Variants in GLTP observed in about 807,000 individuals in gnomAD.
The protein encoded by GLTP is glycolipid transfer protein.
Under a neutral mutation model 24.0 loss-of-function variants are expected in GLTP, and 22 were observed. That is an observed-to-expected ratio of 0.92 (90% CI 0.65 to 1.31). The LOEUF (loss-of-function observed/expected upper bound fraction) is 1.31. Ranked by LOEUF, GLTP falls within the 50% of genes most tolerant of loss-of-function variation. The pLI, the probability that GLTP is intolerant of heterozygous loss-of-function variation, is 0.00. For synonymous variants in GLTP, 92 were observed against 115.9 expected (o/e 0.79, Z 1.33); for missense variants, 224 against 276.6 (o/e 0.81, Z 1.35).
In GLTP at chr12:109,880,306, G is replaced by A. The variant is rs754525285; in HGVS notation, c.69C>T (p.Phe23=). The A allele has an allele frequency of 2.5e-6, 4 of 1,606,632 alleles. No homozygotes were observed. The South Asian group carries it at 3.3e-5, about 13-fold the overall frequency. The change falls in exon 1 of 5, where the codon TTC becomes TTT. Residue 23 remains phenylalanine (F), a synonymous_variant. Coordinates refer to ENST00000318348, the MANE Select transcript of GLTP (RefSeq NM_016433.4). The surrounding 1 kb of genome is among the most constrained non-coding windows in gnomAD (Gnocchi z 5.1). ...PADKQIETGP[F]LEAVSHLPPF... is the part of the protein sequence containing the mutation. Reference sequence around the variant, plus strand: ...GCGGCAGGTGGGACACCGCCTCGAGGAAGGGCCCGGTCTCGATCTGCTTGT... The same window carrying A: ...GCGGCAGGTGGGACACCGCCTCGAGAAAGGGCCCGGTCTCGATCTGCTTGT...
At chr12:109,869,244 G>A (rs1868636746) in intron 1 of GLTP, among the ~76,000 whole-genome samples, 2 of 140,098 alleles carry the variant, frequency 1.4e-5, no homozygotes, top group Admixed American at 7.7e-5. Flanking sequence ...AGGTTGCAGT[G>A]AGCCAAGATT....
chr12:109,880,329 T>C lies in GLTP; in HGVS notation c.46A>G (p.Lys16Glu). ...AGGAAGGGCCCGGTCTCGATCTGCT[T>C]GTCCGCGGGCAGCGGCTTCAGCAAG... ...EHLLKPLPAD[K>E]QIETGPFLEA... The change falls in exon 1 of 5, where the codon AAG (lysine) becomes GAG (glutamate). Residue 16 changes from lysine (K) to glutamate (E), a missense_variant. Transcript: ENST00000318348. The surrounding 1 kb of genome is among the most constrained non-coding windows in gnomAD (Gnocchi z 5.1). The C allele has an allele frequency of 6.3e-7, 1 of 1,587,382 alleles. No homozygotes were observed.
At chr12:109,856,433 C>T (rs1002206720) in intron 3 of GLTP, among the ~76,000 whole-genome samples, 11 of 152,198 alleles carry the variant, frequency 7.2e-5, no homozygotes, top group Admixed American at 5.2e-4. Context: ...TCTCTTGCTT[C>T]CCTGGGGCCT....
rs746043440 is a variant in GLTP, at chr12:109,857,579, A to G, written c.243T>C (p.Tyr81=). ...QNILEVEKEM[Y]GAEWPKVGAT... ...CCCCTACTTTGGGCCACTCTGCTCC[A>G]TACATTTCTTTCTCCACCTCCAGGA... Residue 81 remains tyrosine, a synonymous_variant, in exon 3 of 5, where the codon TAT becomes TAC. Transcript: ENST00000318348. This position sits in a 1 kb window ranked among gnomAD's most constrained non-coding sequence, Gnocchi z 4.3. 5 of 1,613,970 alleles carry G rather than the reference A, an allele frequency of 3.1e-6. No homozygotes were observed. Among genetic ancestry groups the G allele is most frequent in the South Asian group, 1.1e-5 (1 of 91,084 alleles).
At position 109,852,572 on chromosome 12, in the gene GLTP, G is replaced by C. The variant is rs762819636; in HGVS notation, c.613C>G (p.Leu205Val). 4 of 1,608,778 alleles carry C rather than the reference G, an allele frequency of 2.5e-6. No individual in the cohort carries two copies. The highest frequency in any genetic ancestry group is 3.4e-6 in the Non-Finnish European group (4 of 1,175,464). The change falls in exon 5 of 5, where the codon CTT (leucine) becomes GTT (valine). Residue 205 changes from leucine (L) to valine (V), a missense_variant. By Grantham distance (32) the Leu-to-Val change is conservative. Coordinates refer to ENST00000318348, the MANE Select transcript of GLTP (RefSeq NM_016433.4). ...GGGCATGCCTACACCTTGTAGTTAA[G>C]CTCAGCGTTCATCTGGGTGTACATC... ...YEMYTQMNAE[L>V]NYKV
At chr12:109,877,949 T>C (rs540899216) in intron 1 of GLTP, among the ~76,000 whole-genome samples, 1 of 152,282 alleles carries the variant, frequency 6.6e-6, no homozygotes, top group Admixed American at 6.5e-5. Flanking sequence ...GTCCTAAGAA[T>C]CAGCCTCTTT....
chr12:109,866,799 G>A (rs1868542377), intron 1 of GLTP, among the ~76,000 whole-genome samples: 1 of 142,352 alleles, frequency 7.0e-6, no homozygotes, highest in African/African-American at 2.6e-5. Context: ...TCACTGTGTT[G>A]CCCAGGCTGG....
intron 1 of GLTP, among the ~76,000 whole-genome samples, chr12:109,861,772 T>A (rs1001699050): frequency 3.3e-5 from 5 of 152,086 alleles, no homozygotes. Flanking sequence ...ACCAAACACA[T>A]GTAGCAGAGT....
rs1892787952 is a variant in GLTP, at chr12:109,855,740, T to C, written c.326A>G (p.Gln109Arg). The C allele has an allele frequency of 1.2e-6, 2 of 1,606,946 alleles. No individual in the cohort carries two copies. The highest frequency in any genetic ancestry group is 2.7e-5 in the African/African-American group (2 of 74,396). ...RGLRFIQVFL[Q>R]SICDGERDEN... ...GTCCCGCTCCCCGTCGCAGATGCTCTGGAGGAAGACCTGGATGAAGCGGAG... is the reference window on the plus strand; with the variant it reads ...GTCCCGCTCCCCGTCGCAGATGCTCCGGAGGAAGACCTGGATGAAGCGGAG... The change falls in exon 4 of 5, where the codon CAG becomes CGG. Residue 109 changes from glutamine (Q) to arginine (R), a missense_variant. Physicochemically the swap from Gln to Arg is conservative, Grantham distance 43. Coordinates refer to ENST00000318348, the MANE Select transcript of GLTP (RefSeq NM_016433.4). This position sits in a 1 kb window ranked among gnomAD's most constrained non-coding sequence, Gnocchi z 4.1.
chr12:109,857,593 C>G lies in GLTP; in HGVS notation c.229G>C (p.Glu77Gln), dbSNP rs747532837. The G allele has an allele frequency of 1.9e-6, 3 of 1,613,988 alleles. No individual in the cohort carries two copies. Among genetic ancestry groups the G allele is most frequent in the Admixed American group, 3.3e-5 (2 of 60,006 alleles). ...CACTCTGCTCCATACATTTCTTTCT[C>G]CACCTCCAGGATGTTCTGCAGGGTC... ...FRTLQNILEV[E>Q]KEMYGAEWPK... The change falls in exon 3 of 5, where the codon GAG becomes CAG. Residue 77 changes from glutamate to glutamine, a missense_variant. Transcript: ENST00000318348. This position sits in a 1 kb window ranked among gnomAD's most constrained non-coding sequence, Gnocchi z 4.3.
At chr12:109,859,392 G>A (rs1220404217) in intron 1 of GLTP, among the ~76,000 whole-genome samples, 3 of 152,250 alleles carry the variant, frequency 2.0e-5, no homozygotes, top group Admixed American at 6.5e-5. Flanking sequence ...GGTGGCTTGC[G>A]CCTGTAATCC....
intron 1 of GLTP, among the ~76,000 whole-genome samples, chr12:109,879,565 T>C (rs138663144): frequency 1.4e-3 from 214 of 152,240 alleles, no homozygotes; most frequent in African/African-American, 4.6e-3. Context: ...ATGTCTGATG[T>C]CACCTCACAA....
Position 109,880,424 on chromosome 12 carries a change from ACACCGCCCCCCCGGCCGC to A in GLTP, c.-68_-51del, listed in dbSNP as rs1329915585. 5.8e-6 allele frequency: 4 copies of A among 693,216 alleles called. No individual in the cohort carries two copies. Among genetic ancestry groups the A allele is most frequent in the Non-Finnish European group, 7.9e-6 (4 of 503,690 alleles). The allele number at this position is 693,216 out of a possible 1,614,324, so 42.9% of individuals were successfully genotyped here. A position where few individuals can be genotyped will look rare whatever the true frequency, so the allele number is the denominator to read the frequency against. On this transcript the variant is annotated 5_prime_UTR_variant, in exon 1 of 5. Transcript: ENST00000318348. This position sits in a 1 kb window ranked among gnomAD's most constrained non-coding sequence, Gnocchi z 5.1. The stretch of plus-strand genomic sequence containing the variant: ...GCCCCAGCCGGCGCCGCGGGCGTCG[ACACCGCCCCCCCGGCCGC>A]CGCCGTCAGCGCCGGGGCCGTCACA...
intron 2 of GLTP, chr12:109,858,254 T>C (rs1396508412): frequency 8.7e-6 from 4 of 457,970 alleles, no homozygotes; most frequent in African/African-American, 8.0e-5. Flanking sequence ...AGAAATGAGA[T>C]CATGCAGTGT....
Position 109,857,520 on chromosome 12 carries a change from C to G in GLTP, c.296+6G>C. The G allele has an allele frequency of 6.2e-7, 1 of 1,612,880 alleles. No homozygotes were observed. Among genetic ancestry groups the G allele is most frequent in the Non-Finnish European group, 8.5e-7 (1 of 1,179,968 alleles). On this transcript the variant is annotated splice_donor_region_variant and intron_variant, in intron 3 of 4. Coordinates refer to ENST00000318348, the MANE Select transcript of GLTP (RefSeq NM_016433.4). The surrounding 1 kb of genome is among the most constrained non-coding windows in gnomAD (Gnocchi z 4.3). ...GAGCCCAGGCCCTGCCACCTGAGCCCATCACCTTTTCAGCCACATCAGCGC... is the reference window on the plus strand; with the variant it reads ...GAGCCCAGGCCCTGCCACCTGAGCCGATCACCTTTTCAGCCACATCAGCGC...
At chr12:109,866,078 T>TA (rs1365795788) in intron 1 of GLTP, 5 of 152,098 alleles carry the variant, frequency 3.3e-5, no homozygotes, top group Admixed American at 2.0e-4. Flanking sequence ...CCCTAATATG[T>TA]AAACAGCTCT....
At position 109,852,392 on chromosome 12, in the gene GLTP, GAC is replaced by G; in HGVS notation, c.*161_*162del. ...ATAGACCAAAAAAAAAAAAAAAAAAGACTTAAAAAACGAGGGCTGTCCCCTGC... is the reference window on the plus strand; with the variant it reads ...ATAGACCAAAAAAAAAAAAAAAAAAGTTAAAAAACGAGGGCTGTCCCCTGC... On this transcript the variant is annotated 3_prime_UTR_variant, in exon 5 of 5. Coordinates refer to ENST00000318348, the MANE Select transcript of GLTP (RefSeq NM_016433.4). 4.7e-6 allele frequency: 1 copy of G among 212,396 alleles called. No homozygotes were observed. Among genetic ancestry groups the G allele is most frequent in the Non-Finnish European group, 8.4e-6 (1 of 119,222 alleles). The allele number at this position is 212,396 out of a possible 1,614,324, so 13.2% of individuals were successfully genotyped here.
In GLTP at chr12:109,880,357, T is replaced by G; in HGVS notation, c.18A>C (p.Glu6Asp). ...CCGCGGGCAGCGGCTTCAGCAAGTG[T>G]TCGGCCAGCAGCGCCATTTCGGGGT... MALLA[E>D]HLLKPLPADK... is the part of the protein sequence containing the mutation. Residue 6 changes from glutamate (E) to aspartate (D), a missense_variant, in exon 1 of 5, where the codon GAA (glutamate) becomes GAC (aspartate). Glu to Asp is a conservative substitution (Grantham distance 45). Coordinates refer to ENST00000318348, the MANE Select transcript of GLTP (RefSeq NM_016433.4). The surrounding 1 kb of genome is among the most constrained non-coding windows in gnomAD (Gnocchi z 5.1). 2.5e-6 allele frequency: 4 copies of G among 1,592,044 alleles called. No homozygotes were observed. Among genetic ancestry groups the G allele is most frequent in the African/African-American group, 1.4e-5 (1 of 73,628 alleles).
At chr12:109,869,663 G>A (rs1472104664) in intron 1 of GLTP, among the ~76,000 whole-genome samples, 3 of 151,056 alleles carry the variant, frequency 2.0e-5, no homozygotes, top group African/African-American at 4.9e-5. Flanking sequence ...TAGAGACAGG[G>A]TTTCACCATG....
Sources: gnomAD v4.1 joint callset for allele counts (sites outside exome capture counted in the v4.1 genomes callset) on GRCh38, gnomAD v4.1.1 for gene constraint, Gnocchi (gnomAD v3.1) non-coding constraint, MANE v1.5 for transcripts, NCBI Gene and HGNC (gene_info 2026-07-23, HGNC 2026-07-21) for gene names.